Variants in NTRK3 observed in about 807,000 individuals in gnomAD.
NTRK3 encodes the protein NT-3 growth factor receptor.
A neutral mutation model predicts 91.7 loss-of-function variants in NTRK3; 24 were observed. The observed-to-expected ratio is 0.26, with a 90% CI of 0.19 to 0.37. NTRK3 has a LOEUF of 0.37. Among genes scored for constraint, NTRK3 ranks in the 10% least tolerant of loss-of-function variants. The pLI is 1.00. For missense variants in NTRK3, 880 were observed against 1,068.9 expected (o/e 0.82, Z 2.46); for synonymous variants, 483 against 404.0 (o/e 1.20, Z -2.34).
intron 14 of NTRK3, among the ~76,000 whole-genome samples, chr15:87,956,669 A>T (rs2071695921): frequency 6.6e-6 from 1 of 151,884 alleles, no homozygotes; most frequent in Admixed American, 6.6e-5. Context: ...TCCTGGGTTC[A>T]AGCAATTCTC....
chr15:88,012,628 A>G (rs1386777476), intron 14 of NTRK3, among the ~76,000 whole-genome samples: 2 of 152,254 alleles, frequency 1.3e-5, no homozygotes, highest in African/African-American at 2.4e-5. Context: ...CACCCAATAC[A>G]GAACCTAGAA....
chr15:87,877,110 C>CACTCAATG lies in NTRK3; in HGVS notation c.2295_2302dup (p.Cys768SerfsTer37), dbSNP rs1248085724. 6.2e-7 allele frequency: 1 copy of CACTCAATG among 1,614,036 alleles called. No individual in the cohort carries two copies. The highest frequency in any genetic ancestry group is 1.1e-5 in the South Asian group (1 of 91,074). On this transcript the variant is annotated frameshift_variant, in exon 19 of 19. Coordinates refer to ENST00000394480, the Ensembl canonical transcript of NTRK3. LOFTEE classifies it high-confidence loss of function. ...CTCCAAAACACGACCTTGGGTAATG[C>CACTCAATG]ACTCAATGACCTGAAAGAGTGAGAA... is the stretch of plus-strand genomic sequence containing the variant.
At chr15:87,988,223 G>T (rs2074997659) in intron 14 of NTRK3, among the ~76,000 whole-genome samples, 1 of 152,164 alleles carries the variant, frequency 6.6e-6, no homozygotes. Flanking sequence ...TATCCCAACT[G>T]ACAGCCAAAA....
At chr15:87,905,768 T>C (rs1351900129) in intron 17 of NTRK3, among the ~76,000 whole-genome samples, 15 of 152,160 alleles carry the variant, frequency 9.9e-5, no homozygotes, top group Admixed American at 1.3e-4. Flanking sequence ...TGGTCCCTCC[T>C]TCCAACGTGC....
intron 13 of NTRK3, among the ~76,000 whole-genome samples, chr15:88,081,008 C>G (rs545044663): frequency 2.0e-4 from 31 of 152,372 alleles, no homozygotes; most frequent in African/African-American, 7.5e-4. Flanking sequence ...TGTCCTTGCA[C>G]TAAGCGGAGA....
chr15:87,958,830 G>A (rs1388781367), intron 14 of NTRK3, among the ~76,000 whole-genome samples: 4 of 151,772 alleles, frequency 2.6e-5, no homozygotes, highest in East Asian at 1.9e-4. Flanking sequence ...GGACATGGTC[G>A]GCTAACCCAA....
intron 13 of NTRK3, among the ~76,000 whole-genome samples, chr15:88,065,940 T>C (rs753459981): frequency 2.6e-4 from 39 of 152,132 alleles, no homozygotes; most frequent in African/African-American, 7.7e-4. Context: ...ACAGAGGAAG[T>C]TGACTTTGCC....
chr15:88,077,353 C>T (rs1282207763), intron 13 of NTRK3, among the ~76,000 whole-genome samples: 1 of 152,068 alleles, frequency 6.6e-6, no homozygotes, highest in Non-Finnish European at 1.5e-5. Context: ...AGAAATGCTG[C>T]CTGGAATGCC....
At chr15:88,072,381 G>T (rs551055646) in intron 13 of NTRK3, 5 of 205,162 alleles carry the variant, frequency 2.4e-5, no homozygotes. Context: ...CTCAGCTCAG[G>T]GCTGATTTTG....
chr15:88,033,216 A>ATATATATATATATATAT (rs1567262261), intron 13 of NTRK3, among the ~76,000 whole-genome samples, 171 bp from the exon 14 acceptor site: 94 of 121,930 alleles, frequency 7.7e-4, no homozygotes, highest in Middle Eastern at 4.3e-3. Flanking sequence ...ATATATATAT[A>ATATATATATATATATAT]AATTCAGTTG....
At chr15:88,097,193 T>C (rs1019950614) in intron 13 of NTRK3, among the ~76,000 whole-genome samples, 1 of 152,234 alleles carries the variant, frequency 6.6e-6, no homozygotes, top group African/African-American at 2.4e-5. Flanking sequence ...ATTATTAACA[T>C]GTCTACTAGA....
chr15:88,114,320 C>T (rs2051793653), intron 13 of NTRK3, among the ~76,000 whole-genome samples: 1 of 152,198 alleles, frequency 6.6e-6, no homozygotes, highest in Non-Finnish European at 1.5e-5. Context: ...CCAAATCCCA[C>T]CACCCAAAGA....
intron 14 of NTRK3, among the ~76,000 whole-genome samples, chr15:87,995,447 G>A (rs973962809): frequency 6.6e-6 from 1 of 152,192 alleles, no homozygotes; most frequent in Non-Finnish European, 1.5e-5. Flanking sequence ...AAGAAGATAG[G>A]AAGAGAAGTT....
intron 5 of NTRK3, among the ~76,000 whole-genome samples, chr15:88,174,713 C>G (rs112676624): frequency 6.6e-6 from 1 of 152,180 alleles, no homozygotes; most frequent in African/African-American, 2.4e-5. Context: ...AGGCTGTCTG[C>G]CAACCCAAGC....
intron 14 of NTRK3, among the ~76,000 whole-genome samples, chr15:88,014,205 T>C (rs62019240): frequency 0.057 from 8,695 of 152,302 alleles, 300 homozygotes; most frequent in South Asian, 0.11. Flanking sequence ...AGTCAGACAG[T>C]TCACTTTTGT....
intron 14 of NTRK3, among the ~76,000 whole-genome samples, chr15:87,959,729 T>A (rs2072052608): frequency 6.6e-6 from 1 of 152,216 alleles, no homozygotes; most frequent in African/African-American, 2.4e-5. Flanking sequence ...ATTAAAGGAT[T>A]GACACCAACA....
chr15:88,176,136 C>CT (rs139583264), intron 5 of NTRK3, among the ~76,000 whole-genome samples: 12,160 of 115,658 alleles, frequency 0.11, 1,068 homozygotes, highest in African/African-American at 0.14. Context: ...TATGCCCCTT[C>CT]TTTTTTTTTT....
chr15:87,974,032 C>G (rs2073490234), intron 14 of NTRK3, among the ~76,000 whole-genome samples: 1 of 152,174 alleles, frequency 6.6e-6, no homozygotes, highest in Non-Finnish European at 1.5e-5. Flanking sequence ...TCTGCCCGCT[C>G]CTGAGCTTTC....
At chr15:87,900,625 T>C (rs900005871) in intron 17 of NTRK3, among the ~76,000 whole-genome samples, 1 of 151,734 alleles carries the variant, frequency 6.6e-6, no homozygotes, top group African/African-American at 2.4e-5. Flanking sequence ...TCAAGAACAC[T>C]GAACGAAAGC....
Sources: gnomAD v4.1 joint callset for allele counts (sites outside exome capture counted in the v4.1 genomes callset) on GRCh38, gnomAD v4.1.1 for gene constraint, MANE v1.5 for transcripts, NCBI Gene and HGNC (gene_info 2026-07-23, HGNC 2026-07-21) for gene names.